The following ADAMTSL1 variants were observed in gnomAD, a reference collection of about 807,000 sequenced individuals.
ADAMTSL1 encodes the protein ADAMTS like 1, also known as ADAMTS-like protein 1.
In ADAMTSL1, 126 loss-of-function variants were observed where a neutral mutation model predicts 201.8. The ratio of observed to expected loss-of-function variants is 0.62; its 90% CI spans 0.54 to 0.72. ADAMTSL1 has a LOEUF of 0.72. ADAMTSL1 is among the 30% of genes least tolerant of loss of function. The pLI, the probability that ADAMTSL1 is intolerant of heterozygous loss-of-function variation, is 0.00. For missense variants in ADAMTSL1, 2,679 were observed against 2,277.8 expected, an observed-to-expected ratio of 1.18 and a Z score of -3.59; for synonymous variants, 1,121 against 903.4, an observed-to-expected ratio of 1.24 and a Z score of -4.32.
intron 7 of ADAMTSL1, among the ~76,000 whole-genome samples, chr9:18,646,456 C>G (rs1827817359): frequency 1.3e-5 from 2 of 151,710 alleles, no homozygotes; most frequent in Non-Finnish European, 1.5e-5. Flanking sequence ...GAGGGCATCC[C>G]TGTCTTGTGC....
At chr9:18,537,350 T>A (rs962978861) in intron 3 of ADAMTSL1, among the ~76,000 whole-genome samples, 2 of 152,174 alleles carry the variant, frequency 1.3e-5, no homozygotes, top group African/African-American at 4.8e-5. Flanking sequence ...AAAACAGCTA[T>A]GTGAATACTT....
At chr9:18,088,679 A>G (rs1306525893) in intron 1 of ADAMTSL1, among the ~76,000 whole-genome samples, 1 of 152,196 alleles carries the variant, frequency 6.6e-6, no homozygotes, top group African/African-American at 2.4e-5. Flanking sequence ...ACAATCCACA[A>G]TGAGATATGA....
intron 2 of ADAMTSL1, among the ~76,000 whole-genome samples, chr9:18,188,484 T>C (rs1828832748): frequency 6.6e-6 from 1 of 152,176 alleles, no homozygotes; most frequent in Non-Finnish European, 1.5e-5. Flanking sequence ...CAAATAGGTA[T>C]ACTCTAGAAG....
At chr9:18,200,913 A>G (rs1034424431) in intron 2 of ADAMTSL1, among the ~76,000 whole-genome samples, 24 of 152,014 alleles carry the variant, frequency 1.6e-4, no homozygotes, top group African/African-American at 5.8e-4. Context: ...AGATAAACAT[A>G]GTGGCCCTCA....
chr9:18,729,107 G>C (rs937315331), intron 15 of ADAMTSL1, among the ~76,000 whole-genome samples: 1 of 152,126 alleles, frequency 6.6e-6, no homozygotes, highest in Admixed American at 6.5e-5. Context: ...TTCACATTGT[G>C]ATTGCTCCTA....
intron 3 of ADAMTSL1, among the ~76,000 whole-genome samples, chr9:18,545,652 T>C (rs1820425554): frequency 6.6e-6 from 1 of 152,150 alleles, no homozygotes; most frequent in Admixed American, 6.6e-5. Flanking sequence ...GTCAAGAGGA[T>C]ATAAATTTAT....
rs565321611 is a variant in ADAMTSL1, at chr9:18,206,189, G to T, written c.207+42208G>T. Reference sequence around the variant, plus strand: ...CTTTTCATTGCAGAAGCCCAAAGTTGGAACTTCCAGCGAGGAAGGTGTTCC... The same window carrying T: ...CTTTTCATTGCAGAAGCCCAAAGTTTGAACTTCCAGCGAGGAAGGTGTTCC... On this transcript the variant is annotated intron_variant, in intron 2 of 29. Transcript: ENST00000680146. Among the ~76,000 whole-genome samples the T allele has an allele frequency of 6.6e-5, 10 of 151,702 alleles. No individual in the cohort carries two copies. In the South Asian group the frequency reaches 1.5e-3, roughly 22 times the overall value.
At chr9:18,654,324 A>T (rs535145310) in intron 7 of ADAMTSL1, among the ~76,000 whole-genome samples, 10 of 152,376 alleles carry the variant, frequency 6.6e-5, no homozygotes, top group African/African-American at 2.4e-4. Flanking sequence ...GATCAGTAAC[A>T]TCTTCAAGGA....
chr9:18,605,628 G>A (rs550181173), intron 4 of ADAMTSL1, among the ~76,000 whole-genome samples: 1 of 152,132 alleles, frequency 6.6e-6, no homozygotes, highest in Non-Finnish European at 1.5e-5. Flanking sequence ...AGTTTCCCAC[G>A]TAACTCTTCC....
In ADAMTSL1 at chr9:18,063,083, A is replaced by G. The variant is rs916286335; in HGVS notation, c.88-100779A>G. ...GTAGCTCATGTCTGTAATCCTGGTG[A>G]ATTGGGAGGCTGAAATGGGAGGATT... is the stretch of plus-strand genomic sequence containing the variant. On this transcript the variant is annotated intron_variant, in intron 1 of 29. Coordinates refer to the ADAMTSL1 transcript ENST00000680146. Among the ~76,000 whole-genome samples the G allele has an allele frequency of 5.3e-5, 8 of 152,194 alleles. No individual in the cohort carries two copies. In the East Asian group the frequency reaches 9.6e-4, roughly 18 times the overall value.
intron 3 of ADAMTSL1, among the ~76,000 whole-genome samples, chr9:18,558,833 C>A (rs10963632): frequency 2.6e-5 from 4 of 152,176 alleles, no homozygotes; most frequent in East Asian, 3.9e-4. Flanking sequence ...CTGTTCATAT[C>A]ATTTGCCCAC....
intron 2 of ADAMTSL1, among the ~76,000 whole-genome samples, chr9:18,226,447 G>T (rs1011240447): frequency 6.6e-6 from 1 of 152,008 alleles, no homozygotes; most frequent in African/African-American, 2.4e-5. Context: ...AATTCTTCTT[G>T]TTATCCTCTT....
intron 15 of ADAMTSL1, among the ~76,000 whole-genome samples, chr9:18,743,289 T>C (rs1306702247): frequency 6.6e-6 from 1 of 152,168 alleles, no homozygotes; most frequent in Non-Finnish European, 1.5e-5. Context: ...GACCTAGTTT[T>C]GGTGTTATTC....
chr9:18,046,934 A>T (rs75830359), intron 1 of ADAMTSL1, among the ~76,000 whole-genome samples: 3,191 of 152,258 alleles, frequency 0.021, 118 homozygotes, highest in African/African-American at 0.073. Context: ...GCAGTATGTC[A>T]GCAATGGAAC....
chr9:18,571,911 G>A (rs1341212258), intron 3 of ADAMTSL1, among the ~76,000 whole-genome samples: 1 of 152,170 alleles, frequency 6.6e-6, no homozygotes. Flanking sequence ...AGTTGTTTGT[G>A]GCCAGTTGCG....
intron 7 of ADAMTSL1, among the ~76,000 whole-genome samples, chr9:18,654,284 G>T (rs748869730): frequency 5.9e-5 from 9 of 152,176 alleles, no homozygotes; most frequent in Admixed American, 2.0e-4. Flanking sequence ...TTCCATTTAT[G>T]AATTTTATCA....
chr9:18,251,571 A>G (rs930221963), intron 2 of ADAMTSL1, among the ~76,000 whole-genome samples: 5 of 152,206 alleles, frequency 3.3e-5, no homozygotes, highest in African/African-American at 1.2e-4. Context: ...TAGAGTATCA[A>G]TTGGGTTTAT....
At chr9:17,940,450 G>A (rs893531106) in intron 1 of ADAMTSL1, among the ~76,000 whole-genome samples, 1 of 152,020 alleles carries the variant, frequency 6.6e-6, no homozygotes, top group Non-Finnish European at 1.5e-5. Context: ...GAAACTAGGA[G>A]AAGTTGTTTG....
rs537641249 is a variant in ADAMTSL1, at chr9:18,661,934, G to C, written c.947-1G>C. 1 of 1,612,502 alleles carries C rather than the reference G, an allele frequency of 6.2e-7. No individual in the cohort carries two copies. The highest frequency in any genetic ancestry group is 1.1e-5 in the South Asian group (1 of 90,636). On this transcript the variant is annotated splice_acceptor_variant, in intron 8 of 28. Coordinates refer to ENST00000380548, the MANE Select transcript of ADAMTSL1 (RefSeq NM_001040272.6). LOFTEE classifies it high-confidence loss of function. ...CTTGCCTGGATGGTTTGATACTACAGGTTATCAGCTGACATCGGCTGAGTG... is the reference window on the plus strand; with the variant it reads ...CTTGCCTGGATGGTTTGATACTACACGTTATCAGCTGACATCGGCTGAGTG...
Sources: allele counts gnomAD v4.1 joint callset (sites outside exome capture counted in the v4.1 genomes callset), GRCh38; gene constraint gnomAD v4.1.1; transcripts MANE v1.5; gene names NCBI Gene and HGNC (gene_info 2026-07-23, HGNC 2026-07-21).